The following NOL4L variants were observed in gnomAD, a reference collection of about 807,000 sequenced individuals.
The protein encoded by NOL4L is nucleolar protein 4 like, also known as nucleolar protein 4-like.
NOL4L carries 7 observed loss-of-function variants against 64.5 expected under a neutral mutation model. The observed-to-expected ratio is 0.11, with a 90% CI of 0.06 to 0.20. The LOEUF is 0.20. NOL4L is among the 10% of genes least tolerant of loss of function. NOL4L has a pLI of 1.00. For synonymous variants in NOL4L, 413 were observed against 401.0 expected, an observed-to-expected ratio of 1.03 and a Z score of -0.36; for missense variants, 680 against 967.1, an observed-to-expected ratio of 0.70 and a Z score of 3.94.
chr20:32,466,900 G>A (rs577402358), intron 5 of NOL4L, among the ~76,000 whole-genome samples: 7 of 152,172 alleles, frequency 4.6e-5, no homozygotes, highest in Admixed American at 2.6e-4. Flanking sequence ...TTGGGTCCAC[G>A]GGGAGGCAGC....
chr20:32,451,349 GCTC>G (rs1462217586), intron 10 of NOL4L, among the ~76,000 whole-genome samples: 1 of 152,176 alleles, frequency 6.6e-6, no homozygotes, highest in African/African-American at 2.4e-5. Flanking sequence ...CCTAGCAGGG[GCTC>G]CTCCTGCACA....
chr20:32,488,311 T>A (rs73906145), intron 4 of NOL4L, among the ~76,000 whole-genome samples: 1,787 of 152,226 alleles, frequency 0.012, 25 homozygotes, highest in African/African-American at 0.039. Flanking sequence ...ACCGCCCAGT[T>A]TCATACCCTG....
chr20:32,473,208 C>CT (rs2145479911), intron 5 of NOL4L, among the ~76,000 whole-genome samples: 1 of 152,372 alleles, frequency 6.6e-6, no homozygotes, highest in South Asian at 2.1e-4. Context: ...GTCCCAGACC[C>CT]TTCTTGTGGG....
Position 32,447,634 on chromosome 20 carries a change from C to A in NOL4L, c.2005G>T (p.Ala669Ser). Residue 669 changes from alanine to serine, a missense_variant, in exon 11 of 11, where the codon GCA becomes TCA. By Grantham distance (99) the Ala-to-Ser change is moderately conservative. Transcript: ENST00000621426. Reference protein sequence around the residue: ...RESAAFLLRSADELENLILQQ... With the variant: ...RESAAFLLRSSDELENLILQQ... The stretch of plus-strand genomic sequence containing the variant: ...AGGATGAGGTTTTCCAGTTCATCTG[C>A]AGAGCGCAGCAGGAAGGCAGCAGAC... 6.2e-7 allele frequency: 1 copy of A among 1,608,536 alleles called. No homozygotes were observed.
intron 4 of NOL4L, among the ~76,000 whole-genome samples, chr20:32,494,254 A>G (rs556822456): frequency 6.6e-3 from 228 of 34,324 alleles, no homozygotes; most frequent in East Asian, 0.04. Context: ...TAATCTCGGG[A>G]AAAAAAAAAA....
intron 1 of NOL4L, among the ~76,000 whole-genome samples, chr20:32,575,359 G>A (rs1383454319): frequency 1.3e-5 from 2 of 152,070 alleles, no homozygotes; most frequent in African/African-American, 4.8e-5. Context: ...CCTGGGATCC[G>A]TCGTACAACG....
In NOL4L at chr20:32,446,068, A is replaced by C. The variant is rs1393675866; in HGVS notation, c.*1528T>G. On this transcript the variant is annotated 3_prime_UTR_variant, in exon 11 of 11. Transcript: ENST00000621426. The stretch of plus-strand genomic sequence containing the variant: ...TCTCTGCTCTGAGGGAGGAAAGGCA[A>C]CAGAGGGCTTCTGCCAGCTCTGGGC... 1.3e-5 allele frequency: 2 copies of C among 152,308 alleles called. No homozygotes were observed. Among genetic ancestry groups the C allele is most frequent in the Non-Finnish European group, 2.9e-5 (2 of 68,150 alleles). The allele number at this position is 152,308 out of a possible 1,614,324, so 9.4% of individuals were successfully genotyped here.
At chr20:32,466,451 G>A (rs761060432) in intron 5 of NOL4L, among the ~76,000 whole-genome samples, 1 of 152,194 alleles carries the variant, frequency 6.6e-6, no homozygotes, top group Non-Finnish European at 1.5e-5. Flanking sequence ...GCCCAGCATT[G>A]TCTGTGCCGC....
At chr20:32,561,634 C>A (rs986900098) in intron 1 of NOL4L, among the ~76,000 whole-genome samples, 1 of 152,076 alleles carries the variant, frequency 6.6e-6, no homozygotes, top group African/African-American at 2.4e-5. Flanking sequence ...CACGCCCCAG[C>A]CAGGGTTGGG....
In NOL4L at chr20:32,445,409, T is replaced by G. The variant is rs1239562650; in HGVS notation, c.*2187A>C. The G allele has an allele frequency of 6.6e-6, 1 of 152,238 alleles. No homozygotes were observed. Among genetic ancestry groups the G allele is most frequent in the Admixed American group, 6.5e-5 (1 of 15,290 alleles). The allele number at this position is 152,238 out of a possible 1,614,324, so 9.4% of individuals were successfully genotyped here. On this transcript the variant is annotated 3_prime_UTR_variant, in exon 11 of 11. Transcript: ENST00000621426. ...TGCCTCTGGGAGGAGAAGTGACACG[T>G]TAAGTAACTGATACCAGGAATTCTA...
At chr20:32,513,426 C>T (rs957098954) in intron 3 of NOL4L, among the ~76,000 whole-genome samples, 5 of 152,168 alleles carry the variant, frequency 3.3e-5, no homozygotes, top group African/African-American at 7.2e-5. Flanking sequence ...CAGAAAGTAA[C>T]TCGAGGTTAC....
intron 2 of NOL4L, 24 bp downstream of exon 2, chr20:32,527,734 G>C (rs1447886937): frequency 3.3e-6 from 5 of 1,535,814 alleles, no homozygotes; most frequent in Admixed American, 2.0e-5. Flanking sequence ...GCTGCCAGTG[G>C]AGGCAAAGAG....
At chr20:32,552,476 C>T (rs1262648162) in intron 1 of NOL4L, among the ~76,000 whole-genome samples, 1 of 152,082 alleles carries the variant, frequency 6.6e-6, no homozygotes. Context: ...GACCTGAGGT[C>T]AGGGGTTCAA....
intron 6 of NOL4L, 100 bp downstream of exon 6, chr20:32,456,018 T>C: frequency 1.5e-6 from 2 of 1,299,610 alleles, no homozygotes; most frequent in Non-Finnish European, 2.0e-6. Context: ...GTCACACACA[T>C]GGGCTGGCTC....
chr20:32,538,603 T>G (rs1397350078), intron 1 of NOL4L, among the ~76,000 whole-genome samples: 1 of 151,544 alleles, frequency 6.6e-6, no homozygotes, highest in Non-Finnish European at 1.5e-5. Context: ...GGGGGGAGAC[T>G]GCACCCAGAG....
chr20:32,556,913 A>G (rs745732379), intron 1 of NOL4L, among the ~76,000 whole-genome samples: 1 of 152,240 alleles, frequency 6.6e-6, no homozygotes, highest in Non-Finnish European at 1.5e-5. Context: ...GTGACTATGC[A>G]GGAGGCAGCT....
rs371387659 is a variant in NOL4L, at chr20:32,456,139, G to A, written c.1098C>T (p.Tyr366=). ...GADGLRSRVK[Y]GVKTTPESPP... ...ACACCTCGGGGGTGGTCTTCACCCC[G>A]TATTTGACGCGGCTCCGCAGCCCGT... The change falls in exon 6 of 11, where the codon TAC becomes TAT. Residue 366 remains tyrosine, a synonymous_variant. Transcript: ENST00000621426. 159 of 1,549,354 alleles carry A rather than the reference G, an allele frequency of 1.0e-4. No individual in the cohort carries two copies. Among genetic ancestry groups the A allele is most frequent in the Non-Finnish European group, 1.2e-4 (137 of 1,144,598 alleles).
At chr20:32,584,476 G>T (rs1980762880) in intron 1 of NOL4L, 94 bp downstream of exon 1, 2 of 1,037,314 alleles carry the variant, frequency 1.9e-6, no homozygotes, top group African/African-American at 3.4e-5. Context: ...AGGGACACAC[G>T]TTCGGACACA....
At position 32,520,451 on chromosome 20, in the gene NOL4L, C is replaced by T. The variant is rs140898483; in HGVS notation, c.589+360G>A. On this transcript the variant is annotated intron_variant, in intron 3 of 10. Transcript: ENST00000621426. ...TCAGGGAGGGTACAGGCCAGACCCT[C>T]GTGCATGGAGAAGCAGTGGGAGGCA... 4.2e-3 allele frequency among the ~76,000 whole-genome samples: 633 copies of T among 152,164 alleles called. 4 individuals are homozygous for T. Among genetic ancestry groups the T allele is most frequent in the African/African-American group, 0.014 (601 of 41,506 alleles).
Sources: allele counts gnomAD v4.1 joint callset (sites outside exome capture counted in the v4.1 genomes callset), GRCh38; gene constraint gnomAD v4.1.1; transcripts MANE v1.5; gene names NCBI Gene and HGNC (gene_info 2026-07-23, HGNC 2026-07-21).